Variants in RASA2 observed in about 807,000 individuals in gnomAD.
RASA2 encodes the protein ras GTPase-activating protein 2.
RASA2 carries 155 observed loss-of-function variants against 118.2 expected under a neutral mutation model. That is an observed-to-expected ratio of 1.31 (90% CI 1.15 to 1.50). The LOEUF is 1.50. RASA2 is among the 40% of genes most tolerant of loss of function. RASA2 has a pLI of 0.00. For missense variants in RASA2, 1,016 were observed against 1,009.6 expected, an observed-to-expected ratio of 1.01 and a Z score of -0.09; for synonymous variants, 353 against 349.1, an observed-to-expected ratio of 1.01 and a Z score of -0.12.
chr3:141,601,725 A>G (rs1207755446), intron 19 of RASA2, among the ~76,000 whole-genome samples: 1 of 152,098 alleles, frequency 6.6e-6, no homozygotes, highest in Non-Finnish European at 1.5e-5. Context: ...TTGAACCATA[A>G]GATAATGTTT....
chr3:141,581,130 T>G lies in RASA2; in HGVS notation c.1705T>G (p.Phe569Val). 1 of 1,540,524 alleles carries G rather than the reference T, an allele frequency of 6.5e-7. No individual in the cohort carries two copies. The highest frequency in any genetic ancestry group is 1.3e-5 in the South Asian group (1 of 77,632). Reference sequence around the variant, plus strand: ...TTTCAAAGAGACATTCATGTGTGAATTTTTCAAAATGTTTCAAGAAGAAGG... The same window carrying G: ...TTTCAAAGAGACATTCATGTGTGAAGTTTTCAAAATGTTTCAAGAAGAAGG... ...SSFKETFMCE[F>V]FKMFQEEGYI... The change falls in exon 17 of 24, where the codon TTT becomes GTT. Residue 569 changes from phenylalanine to valine, a missense_variant. Around this residue, in one of 2 missense-constraint regions of RASA2, gnomAD observed 896 missense variants for 836.4 expected, o/e 1.07. Transcript: ENST00000286364.
intron 14 of RASA2, among the ~76,000 whole-genome samples, chr3:141,574,442 G>C (rs994891573): frequency 1.3e-5 from 2 of 152,128 alleles, no homozygotes; most frequent in African/African-American, 2.4e-5. Context: ...GCCCGCCTCG[G>C]CCTCCCAAAG....
chr3:141,548,502 A>G (rs2082521648), intron 5 of RASA2, among the ~76,000 whole-genome samples: 1 of 151,290 alleles, frequency 6.6e-6, no homozygotes, highest in Non-Finnish European at 1.5e-5. Context: ...CTCCATACTC[A>G]CTGTCTTGTA....
chr3:141,564,001 G>A (rs560865630), intron 9 of RASA2, among the ~76,000 whole-genome samples: 12 of 148,802 alleles, frequency 8.1e-5, no homozygotes, highest in Admixed American at 4.0e-4. Flanking sequence ...AGACATAGAT[G>A]AGATATTTTG....
chr3:141,514,288 A>G (rs1311847551), intron 2 of RASA2, among the ~76,000 whole-genome samples: 1 of 152,230 alleles, frequency 6.6e-6, no homozygotes, highest in Non-Finnish European at 1.5e-5. Flanking sequence ...GGCCAAGAGC[A>G]CATGAAAAGG....
intron 1 of RASA2, among the ~76,000 whole-genome samples, chr3:141,498,914 C>T (rs2081739983): frequency 1.3e-5 from 2 of 152,112 alleles, no homozygotes; most frequent in Non-Finnish European, 2.9e-5. Context: ...TTTGGTTTGC[C>T]ACTTGAGGAA....
intron 1 of RASA2, among the ~76,000 whole-genome samples, chr3:141,508,939 C>G (rs1217173877): frequency 6.6e-6 from 1 of 151,894 alleles, no homozygotes; most frequent in Non-Finnish European, 1.5e-5. Context: ...TCACTTTTGT[C>G]TTTTTGTGTA....
rs117964337 is a variant in RASA2 at position 141,490,609 on chromosome 3, G to A, written c.133+3393G>A. Among the ~76,000 whole-genome samples the A allele has an allele frequency of 1.4e-3, 212 of 152,280 alleles. 7 individuals are homozygous for A. The East Asian group carries it at 0.024, about 18-fold the overall frequency. On this transcript the variant is annotated intron_variant, in intron 1 of 23. Transcript: ENST00000286364. ...TGTGAATTTTCAGATGTGTGGTACA[G>A]TGCGAGATCTGTGGGACTATGTGTT...
chr3:141,591,240 C>T (rs561429359), intron 19 of RASA2, among the ~76,000 whole-genome samples: 1 of 152,282 alleles, frequency 6.6e-6, no homozygotes, highest in South Asian at 2.1e-4. Context: ...CATGCTTTTA[C>T]ATTCATGCTT....
chr3:141,500,481 G>T (rs1165014166), intron 1 of RASA2, among the ~76,000 whole-genome samples: 1 of 152,132 alleles, frequency 6.6e-6, no homozygotes, highest in Non-Finnish European at 1.5e-5. Flanking sequence ...ATGGTTTTCT[G>T]CTACTTTTCT....
At chr3:141,497,228 G>A (rs779377587) in intron 1 of RASA2, among the ~76,000 whole-genome samples, 1 of 148,840 alleles carries the variant, frequency 6.7e-6, no homozygotes, top group Non-Finnish European at 1.5e-5. Flanking sequence ...TGTAAATGAC[G>A]AATTAATGGG....
At chr3:141,508,965 T>C (rs566822560) in intron 1 of RASA2, among the ~76,000 whole-genome samples, 1 of 152,224 alleles carries the variant, frequency 6.6e-6, no homozygotes, top group Non-Finnish European at 1.5e-5. Context: ...ATGTAAAGTG[T>C]GGCTCTTAAC....
At chr3:141,529,897 T>C in intron 4 of RASA2, 95 bp downstream of exon 4, 1 of 901,726 alleles carries the variant, frequency 1.1e-6, no homozygotes, top group Non-Finnish European at 1.7e-6. Context: ...GAGCATATTA[T>C]ACCTTATTTT....
intron 5 of RASA2, among the ~76,000 whole-genome samples, chr3:141,545,328 G>A (rs1044924392): frequency 6.6e-6 from 1 of 152,100 alleles, no homozygotes; most frequent in Admixed American, 6.5e-5. Context: ...TCTGCAGGCT[G>A]TACAGGAAGC....
In RASA2 at chr3:141,579,358, A is replaced by T. The variant is rs1025333665; in HGVS notation, c.1591-1010A>T. On this transcript the variant is annotated intron_variant, in intron 15 of 23. Coordinates refer to ENST00000286364, the MANE Select transcript of RASA2 (RefSeq NM_006506.5). The stretch of plus-strand genomic sequence containing the variant: ...ATATGTAAATTATATCTCAATTTTT[A>T]AAAAAATGAAGGAGCAAAGATTCCT... 24 of 152,328 alleles carry T rather than the reference A, an allele frequency of 1.6e-4. 1 individual carries two copies. The highest frequency in any genetic ancestry group is 1.4e-3 in the Admixed American group (21 of 15,296). The allele number at this position is 152,328 out of a possible 1,614,324, so 9.4% of individuals were successfully genotyped here.
intron 2 of RASA2, among the ~76,000 whole-genome samples, chr3:141,513,873 A>G (rs2081987406): frequency 6.6e-6 from 1 of 152,216 alleles, no homozygotes; most frequent in South Asian, 2.1e-4. Context: ...TTCTCAGGAA[A>G]GAGGTACACT....
intron 19 of RASA2, among the ~76,000 whole-genome samples, chr3:141,600,798 G>A (rs1041998828): frequency 6.6e-6 from 1 of 152,126 alleles, no homozygotes; most frequent in Non-Finnish European, 1.5e-5. Flanking sequence ...AATAAAAATG[G>A]ACAAGTTGAT....
At chr3:141,520,665 CAT>C (rs1356283919) in intron 3 of RASA2, among the ~76,000 whole-genome samples, 37 of 152,136 alleles carry the variant, frequency 2.4e-4, no homozygotes, top group African/African-American at 8.2e-4. Flanking sequence ...TATGCACACA[CAT>C]ATATACACAT....
At chr3:141,585,967 G>A (rs2083194932) in intron 17 of RASA2, 58 bp from the exon 18 acceptor site, 3 of 1,395,436 alleles carry the variant, frequency 2.1e-6, no homozygotes, top group African/African-American at 2.9e-5. Flanking sequence ...AAGATAAACT[G>A]AATTTTTTAT....
Sources: allele counts gnomAD v4.1 joint callset (sites outside exome capture counted in the v4.1 genomes callset), GRCh38; gene constraint gnomAD v4.1.1; regional missense constraint gnomAD v4.1.1; transcripts MANE v1.5; gene names NCBI Gene and HGNC (gene_info 2026-07-23, HGNC 2026-07-21).